CNTNAP2: variants seen among roughly 807,000 people sequenced by gnomAD.
CNTNAP2 encodes the protein contactin-associated protein-like 2.
Under a neutral mutation model 155.2 loss-of-function variants are expected in CNTNAP2, and 98 were observed. The ratio of observed to expected loss-of-function variants is 0.63; its 90% confidence interval spans 0.54 to 0.75. The LOEUF (loss-of-function observed/expected upper bound fraction) is 0.75. Among genes scored for constraint, CNTNAP2 ranks in the 30% least tolerant of loss-of-function variants. CNTNAP2 has a pLI of 0.00. For missense variants in CNTNAP2, 1,727 were observed against 1,688.1 expected (o/e 1.02, Z -0.40); for synonymous variants, 651 against 631.2 (o/e 1.03, Z -0.47).
At chr7:148,017,845 G>T (rs900298318) in intron 15 of CNTNAP2, among the ~76,000 whole-genome samples, 2 of 152,190 alleles carry the variant, frequency 1.3e-5, no homozygotes, top group Admixed American at 6.5e-5. Context: ...TGAGAAAAAC[G>T]TTGCTTCAGA....
intron 11 of CNTNAP2, among the ~76,000 whole-genome samples, chr7:147,540,647 A>G (rs566268089): frequency 6.6e-6 from 1 of 152,154 alleles, no homozygotes; most frequent in Non-Finnish European, 1.5e-5. Flanking sequence ...CCTGGCCAAC[A>G]TGGTGAAACT....
In CNTNAP2 at chr7:147,481,189, A is replaced by T. The variant is rs1798416684; in HGVS notation, c.1671-4746A>T. Among the ~76,000 whole-genome samples, 7 of 152,234 alleles carry T rather than the reference A, an allele frequency of 4.6e-5. No individual in the cohort carries two copies. In the South Asian group the frequency reaches 1.2e-3, roughly 27 times the overall value. On this transcript the variant is annotated intron_variant, in intron 10 of 23. Transcript: ENST00000361727. ...TATTTTAACTTTAAGCACTGTAGAT[A>T]AAAAGCCTTCAACGTGCGTTGATGA...
At chr7:146,913,587 T>C (rs1267504276) in intron 3 of CNTNAP2, among the ~76,000 whole-genome samples, 1 of 152,052 alleles carries the variant, frequency 6.6e-6, no homozygotes, top group East Asian at 1.9e-4. Context: ...CAACTTCTTG[T>C]TATATCCTCA....
chr7:147,988,371 T>C (rs6950732), intron 15 of CNTNAP2, among the ~76,000 whole-genome samples: 1 of 151,884 alleles, frequency 6.6e-6, no homozygotes, highest in Non-Finnish European at 1.5e-5. Flanking sequence ...GATGCAAAAT[T>C]TCCCCCACAA....
intron 8 of CNTNAP2, among the ~76,000 whole-genome samples, chr7:147,155,353 G>A (rs917472588): frequency 1.1e-4 from 17 of 152,188 alleles, no homozygotes; most frequent in Non-Finnish European, 2.2e-4. Flanking sequence ...AGTATCTGTT[G>A]TTTATAAGCC....
intron 13 of CNTNAP2, among the ~76,000 whole-genome samples, chr7:147,653,346 C>T (rs1344893173): frequency 2.0e-5 from 3 of 152,060 alleles, no homozygotes; most frequent in South Asian, 2.1e-4. Context: ...TATAAATTTG[C>T]TTTTGATAGA....
At chr7:146,911,248 T>C (rs985913584) in intron 3 of CNTNAP2, among the ~76,000 whole-genome samples, 62 of 152,142 alleles carry the variant, frequency 4.1e-4, no homozygotes, top group East Asian at 7.8e-4. Context: ...GTCAGTGTGG[T>C]GATTCCTCAG....
chr7:147,867,262 C>T (rs571185004), intron 13 of CNTNAP2, among the ~76,000 whole-genome samples: 15 of 152,224 alleles, frequency 9.9e-5, no homozygotes, highest in Admixed American at 3.3e-4. Flanking sequence ...TCTTTAAGAA[C>T]GTTGAATATT....
At chr7:147,952,115 G>A (rs1343939467) in intron 14 of CNTNAP2, among the ~76,000 whole-genome samples, 1 of 151,742 alleles carries the variant, frequency 6.6e-6, no homozygotes, top group Non-Finnish European at 1.5e-5. Flanking sequence ...TATAGAGCAT[G>A]TTTATATCTT....
intron 2 of CNTNAP2, among the ~76,000 whole-genome samples, chr7:146,807,272 G>A (rs1007406674): frequency 6.6e-6 from 1 of 151,796 alleles, no homozygotes; most frequent in African/African-American, 2.4e-5. Context: ...CATTTGTAAT[G>A]GTATTGTCTT....
intron 23 of CNTNAP2, among the ~76,000 whole-genome samples, chr7:148,411,113 C>T (rs1246127079): frequency 2.0e-5 from 3 of 152,180 alleles, no homozygotes; most frequent in African/African-American, 7.2e-5. Flanking sequence ...AATAATTTGA[C>T]TCTCCTCGGA....
chr7:148,012,211 TAC>T (rs1802094033), intron 15 of CNTNAP2, among the ~76,000 whole-genome samples: 1 of 152,226 alleles, frequency 6.6e-6, no homozygotes, highest in Admixed American at 6.5e-5. Context: ...TGAGCCATCA[TAC>T]CCAACCCTTC....
chr7:146,334,331 T>A (rs969361664), intron 1 of CNTNAP2, among the ~76,000 whole-genome samples: 2 of 150,544 alleles, frequency 1.3e-5, no homozygotes, highest in African/African-American at 4.9e-5. Flanking sequence ...CTCGGGAGGC[T>A]GAGGCAGGAG....
chr7:146,849,990 C>T (rs1158034441), intron 3 of CNTNAP2, among the ~76,000 whole-genome samples: 3 of 152,198 alleles, frequency 2.0e-5, no homozygotes, highest in Admixed American at 1.3e-4. Context: ...TTCACTTATG[C>T]ATACTGTTTT....
intron 14 of CNTNAP2, among the ~76,000 whole-genome samples, chr7:147,920,837 TCTCA>T (rs1800264581): frequency 7.5e-6 from 1 of 133,408 alleles, no homozygotes; most frequent in Non-Finnish European, 1.5e-5. Flanking sequence ...TGAGATGGAG[TCTCA>T]CTCTGTCACC....
chr7:146,429,619 C>A (rs778393754), intron 1 of CNTNAP2, among the ~76,000 whole-genome samples: 8 of 151,968 alleles, frequency 5.3e-5, no homozygotes, highest in Non-Finnish European at 7.4e-5. Context: ...GCTTATGGAG[C>A]TTTTGGGCTG....
intron 1 of CNTNAP2, among the ~76,000 whole-genome samples, chr7:146,328,330 C>G (rs1479384510): frequency 6.6e-6 from 1 of 152,082 alleles, no homozygotes; most frequent in Non-Finnish European, 1.5e-5. Context: ...TCCCCGGTGC[C>G]AAAAAGTTTG....
intron 3 of CNTNAP2, among the ~76,000 whole-genome samples, chr7:146,991,432 G>A (rs189956462): frequency 4.6e-5 from 7 of 152,270 alleles, no homozygotes; most frequent in East Asian, 1.9e-4. Flanking sequence ...AACCCATGTG[G>A]TAACATATTT....
chr7:146,609,976 A>T (rs1799107762), intron 1 of CNTNAP2, among the ~76,000 whole-genome samples: 1 of 152,198 alleles, frequency 6.6e-6, no homozygotes, highest in Admixed American at 6.5e-5. Context: ...AGAAACTCTG[A>T]GGGCAGAGCT....
Sources: gnomAD v4.1 joint callset for allele counts (sites outside exome capture counted in the v4.1 genomes callset) on GRCh38, gnomAD v4.1.1 for gene constraint, MANE v1.5 for transcripts, NCBI Gene and HGNC (gene_info 2026-07-23, HGNC 2026-07-21) for gene names.